The following R3HDM1 variants were observed in gnomAD, a reference collection of about 807,000 sequenced individuals.
R3HDM1 encodes the protein R3H domain-containing protein 1.
R3HDM1 carries 46 observed loss-of-function variants against 141.1 expected under a neutral mutation model. That is an observed-to-expected ratio of 0.33 (90% CI 0.26 to 0.42). R3HDM1 has a LOEUF of 0.42. Ranked by LOEUF, R3HDM1 falls within the 10% of genes least tolerant of loss-of-function variation. R3HDM1 has a pLI of 1.00. For missense variants in R3HDM1, 1,184 were observed against 1,368.3 expected (o/e 0.87, Z 2.12); for synonymous variants, 435 against 472.9 (o/e 0.92, Z 1.04).
intron 1 of R3HDM1, among the ~76,000 whole-genome samples, chr2:135,564,747 C>A (rs1702417010): frequency 6.6e-6 from 1 of 152,136 alleles, no homozygotes; most frequent in Admixed American, 6.5e-5. Flanking sequence ...ATATGTAATA[C>A]ACATTCATAG....
intron 18 of R3HDM1, among the ~76,000 whole-genome samples, chr2:135,653,521 G>C (rs1181600463): frequency 6.6e-6 from 1 of 151,888 alleles, no homozygotes; most frequent in Non-Finnish European, 1.5e-5. Flanking sequence ...TGGATATGTA[G>C]TATGTTAGTT....
intron 21 of R3HDM1, among the ~76,000 whole-genome samples, chr2:135,690,221 C>G (rs559283484): frequency 2.4e-4 from 36 of 152,112 alleles, no homozygotes; most frequent in Non-Finnish European, 4.1e-4. Flanking sequence ...TCCTAAGCTT[C>G]TAGTTTGACA....
chr2:135,552,321 A>C (rs1216480522), intron 1 of R3HDM1, among the ~76,000 whole-genome samples: 1 of 151,912 alleles, frequency 6.6e-6, no homozygotes, highest in African/African-American at 2.4e-5. Context: ...TCAGCCTCCC[A>C]AATAGCTGGG....
intron 1 of R3HDM1, among the ~76,000 whole-genome samples, chr2:135,562,148 A>T (rs1036403954): frequency 9.9e-5 from 15 of 152,208 alleles, no homozygotes; most frequent in African/African-American, 3.6e-4. Context: ...GTTACAATGA[A>T]ATCTGTCTTT....
chr2:135,584,398 C>G, intron 1 of R3HDM1: 4 of 940,974 alleles, frequency 4.3e-6, no homozygotes, highest in Non-Finnish European at 5.1e-6. Flanking sequence ...ATTACCTGAC[C>G]TCGGTAGCAT....
chr2:135,604,843 C>G lies in R3HDM1; in HGVS notation c.-3C>G. 6.2e-7 allele frequency: 1 copy of G among 1,611,508 alleles called. No homozygotes were observed. Among genetic ancestry groups the G allele is most frequent in the Non-Finnish European group, 8.5e-7 (1 of 1,178,710 alleles). On this transcript the variant is annotated 5_prime_UTR_variant, in exon 3 of 27. Transcript: ENST00000683871. ...CTGTAGAATTCGAAAATAACCTTTT[C>G]TAATGAGGATGTCTGATACTGTTAC...
chr2:135,630,306 AAAC>A (rs1574507435), intron 7 of R3HDM1, among the ~76,000 whole-genome samples: 3 of 147,366 alleles, frequency 2.0e-5, no homozygotes, highest in South Asian at 2.1e-4. Context: ...AAAAAAAAAA[AAAC>A]AAAAAAAAAA....
intron 1 of R3HDM1, among the ~76,000 whole-genome samples, chr2:135,568,464 C>A (rs575109783): frequency 5.8e-4 from 89 of 152,194 alleles, no homozygotes; most frequent in Non-Finnish European, 7.8e-4. Context: ...ATTCTCCTGC[C>A]TCAGCCTCCC....
intron 16 of R3HDM1, among the ~76,000 whole-genome samples, chr2:135,649,518 T>C (rs2064904234): frequency 6.6e-6 from 1 of 152,186 alleles, no homozygotes; most frequent in South Asian, 2.1e-4. Context: ...TACTGCAAAA[T>C]AGGGCAACCC....
At chr2:135,669,641 G>C in intron 19 of R3HDM1, 1 of 889,288 alleles carries the variant, frequency 1.1e-6, no homozygotes. Context: ...ACAGCTGTGT[G>C]CAGCTCTCAG....
At chr2:135,706,918 C>CG (rs1391478578) in intron 21 of R3HDM1, among the ~76,000 whole-genome samples, 1 of 152,036 alleles carries the variant, frequency 6.6e-6, no homozygotes, top group Non-Finnish European at 1.5e-5. Context: ...GGGTGGTGGC[C>CG]GGGCAGAGGG....
chr2:135,645,227 C>A, intron 15 of R3HDM1, 152 bp from the exon 16 acceptor site: 1 of 626,476 alleles, frequency 1.6e-6, no homozygotes, highest in African/African-American at 2.1e-5. Context: ...GCAGGCATTT[C>A]CCAACCTAAG....
chr2:135,645,242 T>C, intron 15 of R3HDM1, 137 bp from the exon 16 acceptor site: 1 of 720,662 alleles, frequency 1.4e-6, no homozygotes. Flanking sequence ...CCTAAGGAAA[T>C]CTTTGTTTTC....
At chr2:135,666,398 C>T (rs1354893094) in intron 19 of R3HDM1, among the ~76,000 whole-genome samples, 1 of 152,118 alleles carries the variant, frequency 6.6e-6, no homozygotes, top group African/African-American at 2.4e-5. Context: ...GTGGCTCTGG[C>T]TATTCTTGTT....
intron 1 of R3HDM1, among the ~76,000 whole-genome samples, chr2:135,593,561 C>T (rs1391682582): frequency 1.3e-5 from 2 of 152,082 alleles, no homozygotes; most frequent in African/African-American, 4.8e-5. Context: ...GTTTCATGAT[C>T]TTCCAGTTTT....
chr2:135,711,204 T>A (rs1382454260), intron 23 of R3HDM1, among the ~76,000 whole-genome samples: 2 of 152,190 alleles, frequency 1.3e-5, no homozygotes, highest in African/African-American at 4.8e-5. Flanking sequence ...CAAAAACAAA[T>A]TACCTGATAC....
chr2:135,653,620 G>A (rs554115193), intron 18 of R3HDM1, among the ~76,000 whole-genome samples: 77 of 152,154 alleles, frequency 5.1e-4, no homozygotes, highest in South Asian at 1.0e-3. Context: ...TTCCAAATAC[G>A]TAGGGGCTTT....
rs1161583452 is a variant in R3HDM1 at position 135,626,181 on chromosome 2, TTGCGTGCGTGCG to T, written c.497+3469_497+3480del. Among the ~76,000 whole-genome samples, 1,356 of 135,902 alleles carry T rather than the reference TTGCGTGCGTGCG, an allele frequency of 1.0e-2. 19 individuals carry two copies. Among genetic ancestry groups the T allele is most frequent in the African/African-American group, 0.035 (1,203 of 34,588 alleles). The allele number at this position is 135,902 out of a possible 152,430, so 89.2% of individuals were successfully genotyped here. On this transcript the variant is annotated intron_variant, in intron 7 of 26. Transcript: ENST00000683871. ...TGTTGTCCACTGTAGAACTGCTTGC[TTGCGTGCGTGCG>T]TGCGTGCGTGCGTGCGTGCTTGCTT...
chr2:135,584,311 G>T, intron 1 of R3HDM1: 1 of 829,112 alleles, frequency 1.2e-6, no homozygotes, highest in Non-Finnish European at 1.5e-6. Context: ...CTGGGTGACA[G>T]AACGAGATTC....
Sources: gnomAD v4.1 joint callset for allele counts (sites outside exome capture counted in the v4.1 genomes callset) on GRCh38, gnomAD v4.1.1 for gene constraint, MANE v1.5 for transcripts, NCBI Gene and HGNC (gene_info 2026-07-23, HGNC 2026-07-21) for gene names.